The following DDR2 variants were observed in gnomAD, a reference collection of about 807,000 sequenced individuals.
The protein encoded by DDR2 is discoidin domain-containing receptor 2.
In DDR2, 27 loss-of-function variants were observed where a neutral mutation model predicts 94.9. The observed-to-expected ratio is 0.28, with a 90% CI of 0.21 to 0.39. The LOEUF is 0.39. Among genes scored for constraint, DDR2 ranks in the 10% least tolerant of loss-of-function variants. DDR2 has a pLI of 1.00. For synonymous variants in DDR2, 382 were observed against 377.2 expected (o/e 1.01, Z -0.15); for missense variants, 783 against 1,076.0 (o/e 0.73, Z 3.81).
At chr1:162,755,073 AG>A (rs1663392607) in intron 5 of DDR2, 82 bp from the exon 6 acceptor site, 3 of 1,580,052 alleles carry the variant, frequency 1.9e-6, no homozygotes, top group Non-Finnish European at 1.7e-6. Flanking sequence ...AAGAAGAGAG[AG>A]TCCATCAAAA....
rs556187876 is a variant in DDR2 at position 162,642,269 on chromosome 1, T to TTATC, written c.-192+9650_-192+9653dup. Among the ~76,000 whole-genome samples the TTATC allele has an allele frequency of 3.8e-3, 582 of 151,334 alleles. 5 individuals carry two copies. The highest frequency in any genetic ancestry group is 0.013 in the African/African-American group (549 of 41,164). Reference sequence around the variant, plus strand: ...ACCATGCCTGGCCTATTTTATTTATTTATCTATCTATCTATTTTTTGAGGT... The same window carrying TTATC: ...ACCATGCCTGGCCTATTTTATTTATTTATCTATCTATCTATCTATTTTTTGAGGT... On this transcript the variant is annotated intron_variant, in intron 1 of 17. Coordinates refer to ENST00000367921, the MANE Select transcript of DDR2 (RefSeq NM_006182.4).
At chr1:162,676,090 A>AGT (rs367810569) in intron 2 of DDR2, among the ~76,000 whole-genome samples, 111 of 151,260 alleles carry the variant, frequency 7.3e-4, no homozygotes, top group African/African-American at 1.9e-3. Context: ...GGTGATTTGA[A>AGT]GTGTGTGTGT....
At chr1:162,716,318 A>C (rs563905760) in intron 2 of DDR2, among the ~76,000 whole-genome samples, 2 of 152,272 alleles carry the variant, frequency 1.3e-5, no homozygotes, top group East Asian at 3.9e-4. Context: ...GCGGTGAGCC[A>C]AGTCAGTCCT....
chr1:162,778,725 G>A lies in DDR2; in HGVS notation c.2429G>A (p.Arg810Lys), dbSNP rs1361657826. The A allele has an allele frequency of 6.2e-7, 1 of 1,613,890 alleles. No homozygotes were observed. The highest frequency in any genetic ancestry group is 8.5e-7 in the Non-Finnish European group (1 of 1,179,834). Residue 810 changes from arginine to lysine, a missense_variant, in exon 17 of 18, where the codon AGG becomes AAG. By Grantham distance (26) the Arg-to-Lys change is conservative. Around this residue, in one of 2 missense-constraint regions of DDR2, gnomAD observed 264 missense variants for 428.2 expected, o/e 0.62. Transcript: ENST00000367921. ...GGAGAGTTCTTCCGAGACCAAGGGA[G>A]GCAGGTAAGAACTGTTGGGGATGAA... is the stretch of plus-strand genomic sequence containing the variant. ...NTGEFFRDQG[R>K]QTYLPQPAIC...
chr1:162,702,276 T>A (rs1571217916), intron 2 of DDR2, among the ~76,000 whole-genome samples: 1 of 152,286 alleles, frequency 6.6e-6, no homozygotes, highest in Admixed American at 6.5e-5. Context: ...TTCATTCTCC[T>A]TAGAAAATTT....
At chr1:162,685,390 A>T (rs977932695) in intron 2 of DDR2, among the ~76,000 whole-genome samples, 18 of 152,182 alleles carry the variant, frequency 1.2e-4, no homozygotes, top group African/African-American at 4.3e-4. Flanking sequence ...AACATTATGT[A>T]TTTCTTTATT....
intron 2 of DDR2, among the ~76,000 whole-genome samples, chr1:162,700,430 C>T (rs1248208153): frequency 6.6e-6 from 1 of 152,160 alleles, no homozygotes; most frequent in African/African-American, 2.4e-5. Flanking sequence ...CATCATGCAA[C>T]TCATTTGCAT....
At chr1:162,683,868 T>A (rs1016797489) in intron 2 of DDR2, among the ~76,000 whole-genome samples, 5 of 152,152 alleles carry the variant, frequency 3.3e-5, no homozygotes, top group African/African-American at 4.8e-5. Flanking sequence ...TTGTTTTTTT[T>A]AAAATAGATA....
intron 2 of DDR2, among the ~76,000 whole-genome samples, chr1:162,666,852 A>C (rs1403582205): frequency 6.6e-6 from 1 of 151,050 alleles, no homozygotes; most frequent in African/African-American, 2.4e-5. Flanking sequence ...TTTAAGTTTG[A>C]TGTTTATCCT....
chr1:162,707,044 G>A (rs1660695837), intron 2 of DDR2, among the ~76,000 whole-genome samples: 1 of 152,124 alleles, frequency 6.6e-6, no homozygotes, highest in African/African-American at 2.4e-5. Context: ...CCAGACACTT[G>A]GTGCTAATCC....
At chr1:162,702,439 C>G (rs1322629949) in intron 2 of DDR2, among the ~76,000 whole-genome samples, 2 of 152,134 alleles carry the variant, frequency 1.3e-5, no homozygotes, top group Non-Finnish European at 2.9e-5. Context: ...ATTGTTGGCT[C>G]TTGGTTTTGA....
In DDR2 at chr1:162,776,370, G is replaced by T; in HGVS notation, c.2283G>T (p.Leu761=). The T allele has an allele frequency of 6.2e-7, 1 of 1,613,992 alleles. No individual in the cohort carries two copies. The highest frequency in any genetic ancestry group is 1.1e-5 in the South Asian group (1 of 91,076). ...GGATGTCTTGGGAGAGTATCTTGCT[G>T]GTAAGTTCTCAGCATTTTAAAGCCC... is the stretch of plus-strand genomic sequence containing the variant. The part of the protein sequence containing the change: ...IRWMSWESIL[L]GKFTTASDVW... The change falls in exon 16 of 18, where the codon CTG becomes CTT. Residue 761 remains leucine (L), a splice_region_variant and synonymous_variant. Coordinates refer to ENST00000367921, the MANE Select transcript of DDR2 (RefSeq NM_006182.4).
rs935771657 is a variant in DDR2 at position 162,755,094 on chromosome 1, G to A, written c.418-62G>A. The A allele has an allele frequency of 5.0e-5, 81 of 1,607,852 alleles. No individual in the cohort carries two copies. In the East Asian group the frequency reaches 1.8e-3, roughly 35 times the overall value. On this transcript the variant is annotated intron_variant, in intron 5 of 17. Coordinates refer to ENST00000367921, the MANE Select transcript of DDR2 (RefSeq NM_006182.4). ...AGAGAGTCCATCAAAAACGTGGTGG[G>A]GTGAAGAAAAGTGAGCATGATTTAA...
At chr1:162,654,050 C>A (rs1271721896) in intron 1 of DDR2, among the ~76,000 whole-genome samples, 1 of 152,166 alleles carries the variant, frequency 6.6e-6, no homozygotes, top group Non-Finnish European at 1.5e-5. Context: ...AAAGAGGTAA[C>A]CATGTATGCA....
Position 162,783,246 on chromosome 1 carries a change from C to T in DDR2, c.*3000C>T, listed in dbSNP as rs185132603. The T allele has an allele frequency of 6.6e-6, 1 of 152,190 alleles. No individual in the cohort carries two copies. The highest frequency in any genetic ancestry group is 6.5e-5 in the Admixed American group (1 of 15,288). The allele number at this position is 152,190 out of a possible 1,614,324, so 9.4% of individuals were successfully genotyped here. ...AATGTGCTGATAGCCAGGTCTGAAA[C>T]TTGATGTGCTATCCAGACACATATG... On this transcript the variant is annotated 3_prime_UTR_variant, in exon 18 of 18. Transcript: ENST00000367921.
intron 3 of DDR2, among the ~76,000 whole-genome samples, chr1:162,727,260 GTAAATA>G (rs964702702): frequency 5.6e-3 from 305 of 54,814 alleles, no homozygotes; most frequent in African/African-American, 0.012. Context: ...TTTATATTTT[GTAAATA>G]TAAATATAAA....
intron 3 of DDR2, among the ~76,000 whole-genome samples, chr1:162,734,997 T>A (rs1029092470): frequency 3.3e-5 from 5 of 152,104 alleles, no homozygotes; most frequent in African/African-American, 1.2e-4. Context: ...GCGCACTGCA[T>A]GGGAAGAATA....
chr1:162,674,804 C>T (rs1659048013), intron 2 of DDR2, among the ~76,000 whole-genome samples: 1 of 152,092 alleles, frequency 6.6e-6, no homozygotes, highest in African/African-American at 2.4e-5. Flanking sequence ...TCTCTAGGAC[C>T]TCTTTAACTG....
intron 2 of DDR2, among the ~76,000 whole-genome samples, chr1:162,656,833 G>GTTTTTTTTTGTTT (rs1657992082): frequency 1.5e-5 from 1 of 65,682 alleles, no homozygotes; most frequent in Non-Finnish European, 3.0e-5. Context: ...TGCCACTGGA[G>GTTTTTTTTTGTTT]TTTTTTTTTT....
Sources: allele counts gnomAD v4.1 joint callset (sites outside exome capture counted in the v4.1 genomes callset), GRCh38; gene constraint gnomAD v4.1.1; regional missense constraint gnomAD v4.1.1; transcripts MANE v1.5; gene names NCBI Gene and HGNC (gene_info 2026-07-23, HGNC 2026-07-21).